The following KANK2 variants were observed in gnomAD, a reference collection of about 807,000 sequenced individuals.
The protein encoded by KANK2 is KN motif and ankyrin repeat domain-containing protein 2.
KANK2 carries 41 observed loss-of-function variants against 74.6 expected under a neutral mutation model. The observed-to-expected ratio is 0.55, with a 90% CI of 0.43 to 0.71. The LOEUF (loss-of-function observed/expected upper bound fraction) is 0.71, where lower values mean the gene tolerates loss of function less well. Among genes scored for constraint, KANK2 ranks in the 30% least tolerant of loss-of-function variants. KANK2 has a pLI of 0.00. For synonymous variants in KANK2, 537 were observed against 519.0 expected (o/e 1.03, Z -0.47); for missense variants, 1,148 against 1,196.4 (o/e 0.96, Z 0.60).
chr19:11,173,567 T>C (rs1600808567), intron 9 of KANK2, among the ~76,000 whole-genome samples: 1 of 152,292 alleles, frequency 6.6e-6, no homozygotes, highest in South Asian at 2.1e-4. Context: ...GACGCATCCC[T>C]CTCTTAGACC....
intron 3 of KANK2, among the ~76,000 whole-genome samples, 187 bp from the exon 4 acceptor site, chr19:11,194,229 G>A (rs1021956035): frequency 1.3e-5 from 2 of 152,076 alleles, no homozygotes; most frequent in Admixed American, 6.5e-5. Flanking sequence ...CCGGCGCTAG[G>A]CTATGTCGCC....
In KANK2 at chr19:11,176,801, C is replaced by G; in HGVS notation, c.1537G>C (p.Glu513Gln). The G allele has an allele frequency of 6.5e-7, 1 of 1,527,912 alleles. No homozygotes were observed. The highest frequency in any genetic ancestry group is 2.4e-5 in the East Asian group (1 of 42,330). 94.6% of individuals were successfully genotyped at this position (1,527,912 alleles called of 1,614,324 possible). Residue 513 changes from glutamate to glutamine, a missense_variant, in exon 7 of 13, where the codon GAG becomes CAG. Physicochemically the swap from Glu to Gln is conservative, Grantham distance 29. Coordinates refer to ENST00000586659, the MANE Select transcript of KANK2 (RefSeq NM_001136191.3). ...ATGTTCTCTGCTGTGCTGGAGTCCT[C>G]GGATGACGACTCATACCTGGGGAGG... is the stretch of plus-strand genomic sequence containing the variant. ...GVNGGYESSS[E>Q]DSSTAENISD... is the part of the protein sequence containing the mutation.
At position 11,174,197 on chromosome 19, in the gene KANK2, A is replaced by G. The variant is rs568867170; in HGVS notation, c.2068+276T>C. ...AGACTGGGAGGGCGGCATCTCCTCCATCAGACTGGGAGGGCCATATACCCC... is the reference window on the plus strand; with the variant it reads ...AGACTGGGAGGGCGGCATCTCCTCCGTCAGACTGGGAGGGCCATATACCCC... On this transcript the variant is annotated intron_variant, in intron 9 of 12. Transcript: ENST00000586659. Among the ~76,000 whole-genome samples the G allele has an allele frequency of 9.7e-4, 148 of 152,214 alleles. 1 individual carries two copies. Among genetic ancestry groups the G allele is most frequent in the African/African-American group, 3.4e-3 (143 of 41,568 alleles).
rs767076260 is a variant in KANK2 at position 11,192,984 on chromosome 19, C to A, written c.1096G>T (p.Ala366Ser). The A allele has an allele frequency of 1.2e-6, 2 of 1,614,044 alleles. No homozygotes were observed. The highest frequency in any genetic ancestry group is 1.7e-5 in the Admixed American group (1 of 60,032). ...SLEPYGTGLR[A>S]LAMPGRPESP... ...TCAGGCCTACCAGGCATTGCCAGGG[C>A]CCTCAGCCCTGTGCCGTAAGGCTCC... The change falls in exon 4 of 13, where the codon GCC becomes TCC. Residue 366 changes from alanine to serine, a missense_variant. Coordinates refer to ENST00000586659, the MANE Select transcript of KANK2 (RefSeq NM_001136191.3).
chr19:11,172,865 G>C (rs926069953), intron 10 of KANK2, 116 bp downstream of exon 10: 19 of 1,074,020 alleles, frequency 1.8e-5, no homozygotes, highest in Middle Eastern at 2.9e-4. Context: ...GAGACAGCCT[G>C]GCCATGAAGA....
chr19:11,190,438 T>C (rs950398679), intron 4 of KANK2, among the ~76,000 whole-genome samples: 17 of 152,126 alleles, frequency 1.1e-4, no homozygotes, highest in African/African-American at 7.2e-5. Flanking sequence ...ACTGGCTCAG[T>C]TGAGCCACTT....
chr19:11,178,806 G>T, intron 4 of KANK2, 86 bp from the exon 5 acceptor site: 1 of 1,264,592 alleles, frequency 7.9e-7, no homozygotes, highest in Non-Finnish European at 1.1e-6. Flanking sequence ...TGGGCCAGGA[G>T]CTGTAACAGG....
At chr19:11,169,149 C>T (rs181277932) in intron 12 of KANK2, among the ~76,000 whole-genome samples, 3 of 152,118 alleles carry the variant, frequency 2.0e-5, no homozygotes, top group Admixed American at 2.0e-4. Flanking sequence ...ACCAGCCTGG[C>T]CAACACAGTG....
At chr19:11,168,523 C>T (rs1245147495) in intron 12 of KANK2, among the ~76,000 whole-genome samples, 1 of 152,076 alleles carries the variant, frequency 6.6e-6, no homozygotes, top group Non-Finnish European at 1.5e-5. Context: ...GCAATCCTTC[C>T]ATCTCGGCCC....
At position 11,174,497 on chromosome 19, in the gene KANK2, C is replaced by A. The variant is rs140017516; in HGVS notation, c.2044G>T (p.Val682Leu). 9.9e-6 allele frequency: 16 copies of A among 1,612,230 alleles called. No homozygotes were observed. The East Asian group carries it at 3.3e-4, about 34-fold the overall frequency. The change falls in exon 9 of 13, where the codon GTG becomes TTG. Residue 682 changes from valine (V) to leucine (L), a missense_variant. Val to Leu is a conservative substitution (Grantham distance 32). Coordinates refer to ENST00000586659, the MANE Select transcript of KANK2 (RefSeq NM_001136191.3). ...CCGCTGTCGAGCAGCTGCTGCACCA[C>A]GGGGAAGTTGGCATGAGACACGGAG... ...HYSVSHANFP[V>L]VQQLLDSGVC...
chr19:11,174,398 T>A, intron 9 of KANK2, 75 bp downstream of exon 9: 1 of 1,197,334 alleles, frequency 8.4e-7, no homozygotes, highest in South Asian at 1.3e-5. Flanking sequence ...GGGAGGGCAG[T>A]GTCTTCCCTA....
At chr19:11,192,403 T>C in intron 4 of KANK2, 2 of 265,538 alleles carry the variant, frequency 7.5e-6, no homozygotes, top group Non-Finnish European at 1.5e-5. Flanking sequence ...TGGTGGAAGG[T>C]CGGGGGCTGG....
intron 12 of KANK2, among the ~76,000 whole-genome samples, chr19:11,169,194 C>T (rs1370936790): frequency 4.6e-5 from 7 of 152,010 alleles, no homozygotes; most frequent in African/African-American, 1.7e-4. Context: ...AAAAATTAGC[C>T]GGGCATGGTG....
chr19:11,169,608 C>G, intron 12 of KANK2: 1 of 567,912 alleles, frequency 1.8e-6, no homozygotes, highest in East Asian at 3.0e-5. Flanking sequence ...TGAGACCAGC[C>G]TGACCATCAT....
chr19:11,188,542 T>C (rs1194215439), intron 4 of KANK2, among the ~76,000 whole-genome samples: 2 of 150,346 alleles, frequency 1.3e-5, no homozygotes, highest in African/African-American at 4.9e-5. Flanking sequence ...TAATTTAGGC[T>C]GGGTGCGGTA....
intron 4 of KANK2, among the ~76,000 whole-genome samples, chr19:11,183,655 ATTT>A (rs374907585): frequency 6.9e-6 from 1 of 144,928 alleles, no homozygotes; most frequent in South Asian, 2.2e-4. Context: ...TGCCCAGCTA[ATTT>A]TTTTTTTTTT....
rs1192319816 is a variant in KANK2, at chr19:11,170,065, T to A, written c.2395A>T (p.Ile799Phe). ...GLLLAVPSCD[I>F]SLTDRDGSTA... Reference sequence around the variant, plus strand: ...AGACTCACGCGATCTGTGAGTGAGATGTCACAGCTGGGCACGGCCAGCAGC... The same window carrying A: ...AGACTCACGCGATCTGTGAGTGAGAAGTCACAGCTGGGCACGGCCAGCAGC... Residue 799 changes from isoleucine (I) to phenylalanine (F), a missense_variant, in exon 11 of 13, where the codon ATC becomes TTC. Coordinates refer to ENST00000586659, the MANE Select transcript of KANK2 (RefSeq NM_001136191.3). This position sits in a 1 kb window ranked among gnomAD's most constrained non-coding sequence, Gnocchi z 5.2. 1 of 1,613,598 alleles carries A rather than the reference T, an allele frequency of 6.2e-7. No homozygotes were observed. The highest frequency in any genetic ancestry group is 8.5e-7 in the Non-Finnish European group (1 of 1,179,734).
At chr19:11,188,829 A>AG (rs2078752439) in intron 4 of KANK2, among the ~76,000 whole-genome samples, 1 of 151,746 alleles carries the variant, frequency 6.6e-6, no homozygotes, top group African/African-American at 2.4e-5. Context: ...TAAAAGTACA[A>AG]GAAAATTAGC....
chr19:11,181,316 G>A (rs994794633), intron 4 of KANK2, among the ~76,000 whole-genome samples: 8 of 150,552 alleles, frequency 5.3e-5, no homozygotes, highest in South Asian at 2.1e-4. Flanking sequence ...GCGTGATCTC[G>A]GCTCACTGCA....
Sources: gnomAD v4.1 joint callset for allele counts (sites outside exome capture counted in the v4.1 genomes callset) on GRCh38, gnomAD v4.1.1 for gene constraint, Gnocchi (gnomAD v3.1) non-coding constraint, MANE v1.5 for transcripts, NCBI Gene and HGNC (gene_info 2026-07-23, HGNC 2026-07-21) for gene names.